Variants in LCLAT1 observed in about 807,000 individuals in gnomAD.
LCLAT1 encodes the protein 1-AGP acyltransferase 8.
LCLAT1 carries 11 observed loss-of-function variants against 30.7 expected under a neutral mutation model. The ratio of observed to expected loss-of-function variants is 0.36; its 90% confidence interval spans 0.23 to 0.59. LCLAT1 has a LOEUF of 0.59. Ranked by LOEUF, LCLAT1 falls within the 20% of genes least tolerant of loss-of-function variation. The pLI, the probability that LCLAT1 is intolerant of heterozygous loss-of-function variation, is 0.77. For synonymous variants in LCLAT1, 155 were observed against 151.3 expected (o/e 1.02, Z -0.18); for missense variants, 402 against 458.6 (o/e 0.88, Z 1.13).
chr2:30,549,964 C>G (rs543952145), intron 3 of LCLAT1, among the ~76,000 whole-genome samples: 2 of 152,072 alleles, frequency 1.3e-5, no homozygotes, highest in Non-Finnish European at 2.9e-5. Flanking sequence ...AATGTTCTTC[C>G]ACAATGAAAA....
intron 1 of LCLAT1, among the ~76,000 whole-genome samples, chr2:30,456,209 C>T (rs1336723603): frequency 6.6e-6 from 1 of 152,112 alleles, no homozygotes; most frequent in East Asian, 1.9e-4. Context: ...GAGTGTCAGC[C>T]CCTCTTTAGG....
intron 5 of LCLAT1, among the ~76,000 whole-genome samples, chr2:30,604,780 G>C (rs1217438732): frequency 6.6e-6 from 1 of 151,998 alleles, no homozygotes; most frequent in African/African-American, 2.4e-5. Flanking sequence ...TTGAAGGATT[G>C]TTATCCACAG....
chr2:30,565,807 G>T (rs1665457610), intron 4 of LCLAT1, among the ~76,000 whole-genome samples: 1 of 152,144 alleles, frequency 6.6e-6, no homozygotes, highest in African/African-American at 2.4e-5. Flanking sequence ...TAGAAGGGGT[G>T]TAGGGTGCTG....
At chr2:30,479,737 T>C (rs928013585) in intron 1 of LCLAT1, among the ~76,000 whole-genome samples, 3 of 152,172 alleles carry the variant, frequency 2.0e-5, no homozygotes, top group Admixed American at 6.5e-5. Context: ...TATTAAGTCA[T>C]ATACTTAGGA....
At chr2:30,594,996 T>G (rs1335021931) in intron 5 of LCLAT1, among the ~76,000 whole-genome samples, 1 of 152,182 alleles carries the variant, frequency 6.6e-6, no homozygotes, top group African/African-American at 2.4e-5. Context: ...CCTGTTGACT[T>G]TATTGGTTTT....
At chr2:30,582,221 C>T (rs1051593419) in intron 5 of LCLAT1, among the ~76,000 whole-genome samples, 7 of 151,428 alleles carry the variant, frequency 4.6e-5, no homozygotes, top group African/African-American at 1.7e-4. Context: ...GCCCCCCTCC[C>T]ATGGCAATGG....
At chr2:30,586,846 A>T (rs12714308) in intron 5 of LCLAT1, among the ~76,000 whole-genome samples, 89,909 of 151,970 alleles carry the variant, frequency 0.59, 27,555 homozygotes, top group Non-Finnish European at 0.68. Context: ...AAAAAGACTT[A>T]AAAAAAACCA....
At chr2:30,577,856 T>C (rs944946827) in intron 5 of LCLAT1, among the ~76,000 whole-genome samples, 1 of 152,138 alleles carries the variant, frequency 6.6e-6, no homozygotes, top group Non-Finnish European at 1.5e-5. Context: ...GCTACCTGCC[T>C]GATTTTGATG....
At position 30,560,329 on chromosome 2, in the gene LCLAT1, AT is replaced by A. The variant is rs1188952137; in HGVS notation, c.365-1814del. On this transcript the variant is annotated intron_variant, in intron 3 of 5. Transcript: ENST00000379509. The stretch of plus-strand genomic sequence containing the variant: ...GTGTGTGTGTGTGTGTGTGTGTATT[AT>A]TTATTTATTTTGACACGGAGTCTTG... Among the ~76,000 whole-genome samples the A allele has an allele frequency of 6.9e-3, 886 of 127,744 alleles. 7 individuals carry two copies. Among genetic ancestry groups the A allele is most frequent in the African/African-American group, 0.023 (820 of 35,222 alleles). The allele number at this position is 127,744 out of a possible 152,430, so 83.8% of individuals were successfully genotyped here.
intron 5 of LCLAT1, among the ~76,000 whole-genome samples, chr2:30,596,515 T>G (rs1307323988): frequency 6.6e-6 from 1 of 152,056 alleles, no homozygotes. Flanking sequence ...TAAATTTGTT[T>G]AAGTTTCTTG....
intron 1 of LCLAT1, among the ~76,000 whole-genome samples, chr2:30,457,943 C>T (rs72853173): frequency 1.3e-4 from 20 of 152,116 alleles, no homozygotes; most frequent in African/African-American, 4.1e-4. Flanking sequence ...ACACACTTCT[C>T]ATAGTACCTC....
intron 1 of LCLAT1, among the ~76,000 whole-genome samples, chr2:30,479,726 T>G (rs1315397822): frequency 3.3e-5 from 5 of 152,180 alleles, no homozygotes; most frequent in African/African-American, 1.2e-4. Flanking sequence ...TGTAAAAAAT[T>G]TATTAAGTCA....
intron 3 of LCLAT1, 125 bp downstream of exon 3, chr2:30,533,439 G>C (rs974787004): frequency 1.3e-6 from 1 of 767,620 alleles, no homozygotes; most frequent in South Asian, 1.6e-5. Context: ...ACAATCTCTG[G>C]TTCTTTTGTC....
At chr2:30,513,796 A>G (rs1685050339) in intron 1 of LCLAT1, among the ~76,000 whole-genome samples, 1 of 152,178 alleles carries the variant, frequency 6.6e-6, no homozygotes. Context: ...TTTGTCTCTT[A>G]TCTACCTATG....
chr2:30,633,348 TTTTTA>T (rs1286844409), intron 5 of LCLAT1, among the ~76,000 whole-genome samples: 5 of 152,188 alleles, frequency 3.3e-5, no homozygotes, highest in East Asian at 1.9e-4. Flanking sequence ...AGAAAATAGA[TTTTTA>T]TTTTAATTTT....
At chr2:30,621,269 G>C (rs1379008945) in intron 5 of LCLAT1, among the ~76,000 whole-genome samples, 1 of 152,148 alleles carries the variant, frequency 6.6e-6, no homozygotes, top group Non-Finnish European at 1.5e-5. Flanking sequence ...TGTTGCTGTG[G>C]AGTGAACGTT....
chr2:30,516,662 C>A (rs1386427780), intron 1 of LCLAT1, among the ~76,000 whole-genome samples: 1 of 152,114 alleles, frequency 6.6e-6, no homozygotes, highest in Non-Finnish European at 1.5e-5. Context: ...TTGGGAGCAG[C>A]CTGCCATCAT....
chr2:30,535,286 C>G (rs1288015150), intron 3 of LCLAT1, among the ~76,000 whole-genome samples: 2 of 152,076 alleles, frequency 1.3e-5, no homozygotes, highest in Non-Finnish European at 2.9e-5. Context: ...AAATAAATTC[C>G]AAAACATTCC....
intron 5 of LCLAT1, among the ~76,000 whole-genome samples, chr2:30,616,325 A>G (rs1310974800): frequency 6.6e-6 from 1 of 152,186 alleles, no homozygotes; most frequent in Non-Finnish European, 1.5e-5. Context: ...TCTGAATCAA[A>G]CAGATTAGAT....
Sources: allele counts gnomAD v4.1 joint callset (sites outside exome capture counted in the v4.1 genomes callset), GRCh38; gene constraint gnomAD v4.1.1; transcripts MANE v1.5; gene names NCBI Gene and HGNC (gene_info 2026-07-23, HGNC 2026-07-21).